Variants in PIP5K1C observed in about 807,000 individuals in gnomAD.
PIP5K1C encodes the protein phosphatidylinositol-4-phosphate 5-kinase type 1 gamma, also known as phosphatidylinositol 4-phosphate 5-kinase type-1 gamma.
Under a neutral mutation model 80.1 loss-of-function variants are expected in PIP5K1C, and 45 were observed. That is an observed-to-expected ratio of 0.56 (90% CI 0.44 to 0.72). PIP5K1C has a LOEUF of 0.72. Among genes scored for constraint, PIP5K1C ranks in the 30% least tolerant of loss-of-function variants. The probability of loss-of-function intolerance (pLI) is 0.00; values close to 1 mark genes in which losing one functional copy is unlikely to be tolerated. For synonymous variants in PIP5K1C, 498 were observed against 420.1 expected (o/e 1.19, Z -2.27); for missense variants, 753 against 954.6 (o/e 0.79, Z 2.78).
intron 1 of PIP5K1C, among the ~76,000 whole-genome samples, chr19:3,671,734 C>T (rs1318039775): frequency 6.6e-6 from 1 of 152,178 alleles, no homozygotes; most frequent in Non-Finnish European, 1.5e-5. Context: ...GCCTTGCTGC[C>T]ACCGCCTGCC....
intron 15 of PIP5K1C, 145 bp from the exon 16 acceptor site, chr19:3,639,161 T>G: frequency 3.2e-6 from 3 of 930,636 alleles, no homozygotes; most frequent in Non-Finnish European, 5.0e-6. Context: ...CGCGCGCTCC[T>G]GCGCTGCCAT....
In PIP5K1C at chr19:3,662,857, C is replaced by T. The variant is rs990683788; in HGVS notation, c.220-856G>A. 3.3e-5 allele frequency among the ~76,000 whole-genome samples: 5 copies of T among 150,392 alleles called. No individual in the cohort carries two copies. In the East Asian group the frequency reaches 7.9e-4, roughly 24 times the overall value. Reference sequence around the variant, plus strand: ...CTGCGATTGCACGTGTGAGCCAGCACGCCGGCCCCGTTATTATTTTTTGAG... The same window carrying T: ...CTGCGATTGCACGTGTGAGCCAGCATGCCGGCCCCGTTATTATTTTTTGAG... On this transcript the variant is annotated intron_variant, in intron 3 of 17. Coordinates refer to ENST00000335312, the MANE Select transcript of PIP5K1C (RefSeq NM_012398.3).
chr19:3,642,851 G>C, intron 14 of PIP5K1C, 56 bp downstream of exon 14: 1 of 1,441,282 alleles, frequency 6.9e-7, no homozygotes, highest in Non-Finnish European at 9.8e-7. Flanking sequence ...AACGGAGCTG[G>C]GAGCTGTGCA....
intron 1 of PIP5K1C, among the ~76,000 whole-genome samples, chr19:3,685,386 A>C (rs2035725768): frequency 1.3e-5 from 2 of 152,190 alleles, no homozygotes; most frequent in African/African-American, 4.8e-5. Flanking sequence ...AGACTGTCTA[A>C]AGCAGGGGCT....
intron 15 of PIP5K1C, among the ~76,000 whole-genome samples, chr19:3,639,289 C>G (rs2033857025): frequency 6.6e-6 from 1 of 152,242 alleles, no homozygotes; most frequent in Admixed American, 6.5e-5. Context: ...CTCAGACACA[C>G]ACACCTGTGG....
chr19:3,661,927 G>A lies in PIP5K1C; in HGVS notation c.294C>T (p.Pro98=), dbSNP rs374991223. The change falls in exon 4 of 18, where the codon CCC becomes CCT. Residue 98 remains proline (P), a synonymous_variant. Coordinates refer to ENST00000335312, the MANE Select transcript of PIP5K1C (RefSeq NM_012398.3). ...AGTCCTGCATGAGCACGTCGCGTTCGGGCTTGGAGCTCAGGTGGCCCACGG... is the reference window on the plus strand; with the variant it reads ...AGTCCTGCATGAGCACGTCGCGTTCAGGCTTGGAGCTCAGGTGGCCCACGG... ...GYTVGHLSSK[P]ERDVLMQDFY... 5.6e-5 allele frequency: 90 copies of A among 1,612,500 alleles called. No individual in the cohort carries two copies. The highest frequency in any genetic ancestry group is 3.3e-4 in the Middle Eastern group (2 of 6,084).
intron 1 of PIP5K1C, among the ~76,000 whole-genome samples, chr19:3,668,084 G>A (rs979143615): frequency 6.6e-6 from 1 of 151,966 alleles, no homozygotes; most frequent in Non-Finnish European, 1.5e-5. Flanking sequence ...GGTCAGCGCA[G>A]CAGGGCCTGG....
chr19:3,655,511 A>C (rs1248419205), intron 6 of PIP5K1C, among the ~76,000 whole-genome samples: 12 of 152,262 alleles, frequency 7.9e-5, no homozygotes, highest in Admixed American at 7.8e-4. Flanking sequence ...CTTGGTCCAT[A>C]AATAATGCGT....
intron 1 of PIP5K1C, among the ~76,000 whole-genome samples, chr19:3,678,211 AGATGGAGGGACGGAGG>A (rs2035450644): frequency 1.9e-5 from 1 of 53,076 alleles, no homozygotes; most frequent in African/African-American, 7.6e-5. Flanking sequence ...AGGGATGGAG[AGATGGAGGGACGGAGG>A]GATGGAGGAT....
intron 1 of PIP5K1C, among the ~76,000 whole-genome samples, chr19:3,691,256 CG>C (rs980144260): frequency 8.5e-5 from 13 of 152,292 alleles, no homozygotes; most frequent in African/African-American, 2.9e-4. Context: ...CCTCCGCTGC[CG>C]GAACACGGAG....
At chr19:3,682,237 G>C (rs1310086112) in intron 1 of PIP5K1C, among the ~76,000 whole-genome samples, 1 of 152,026 alleles carries the variant, frequency 6.6e-6, no homozygotes, top group Non-Finnish European at 1.5e-5. Context: ...AGCCAGGCAT[G>C]GGGGTGCGCG....
intron 1 of PIP5K1C, among the ~76,000 whole-genome samples, chr19:3,698,928 C>T (rs1037276520): frequency 1.5e-5 from 2 of 137,294 alleles, no homozygotes; most frequent in African/African-American, 2.7e-5. Flanking sequence ...CAGCCCTCCC[C>T]GGCCCCCCAC....
chr19:3,697,730 G>A lies in PIP5K1C; in HGVS notation c.94+2567C>T, dbSNP rs139906270. ...GGCAGGGGCAGGGATGGAGCTGACC[G>A]TTCTGGGGCATCACAGAGACAGGAC... On this transcript the variant is annotated intron_variant, in intron 1 of 17. Transcript: ENST00000335312. 3.5e-3 allele frequency among the ~76,000 whole-genome samples: 535 copies of A among 152,228 alleles called. 4 individuals carry two copies. The highest frequency in any genetic ancestry group is 0.012 in the African/African-American group (513 of 41,536).
chr19:3,638,782 T>C, intron 16 of PIP5K1C, 102 bp downstream of exon 16: 1 of 1,474,266 alleles, frequency 6.8e-7, no homozygotes, highest in Non-Finnish European at 9.4e-7. Flanking sequence ...CACACTCACG[T>C]GCCTGTGTGC....
intron 1 of PIP5K1C, among the ~76,000 whole-genome samples, chr19:3,697,349 G>A (rs1263191415): frequency 1.3e-5 from 2 of 151,328 alleles, no homozygotes; most frequent in Non-Finnish European, 2.9e-5. Context: ...GACCGGGGAG[G>A]ACCGAGCCAG....
At position 3,632,885 on chromosome 19, in the gene PIP5K1C, C is replaced by T. The variant is rs1279283653; in HGVS notation, c.*282G>A. 3 of 487,852 alleles carry T rather than the reference C, an allele frequency of 6.1e-6. No homozygotes were observed. In the East Asian group the frequency reaches 1.0e-4, roughly 17 times the overall value. The allele number at this position is 487,852 out of a possible 1,614,324, so 30.2% of individuals were successfully genotyped here. A position where few individuals can be genotyped will look rare whatever the true frequency, so the allele number is the denominator to read the frequency against. Reference sequence around the variant, plus strand: ...TTTTTGTTCTTTTCCTAAAACGGCACACACGTGCTTCCGTCTCTGTGCCAA... The same window carrying T: ...TTTTTGTTCTTTTCCTAAAACGGCATACACGTGCTTCCGTCTCTGTGCCAA... On this transcript the variant is annotated 3_prime_UTR_variant, in exon 18 of 18. Coordinates refer to ENST00000335312, the MANE Select transcript of PIP5K1C (RefSeq NM_012398.3).
rs536105415 is a variant in PIP5K1C, at chr19:3,658,158, T to G, written c.469-1601A>C. On this transcript the variant is annotated intron_variant, in intron 5 of 17. Transcript: ENST00000335312. ...CACCCCCGCCCTGCACTGCCCGAGG[T>G]GCTCTCGGGCCAGGGAACGGCGCCA... Among the ~76,000 whole-genome samples the G allele has an allele frequency of 6.6e-5, 10 of 152,280 alleles. 1 individual carries two copies. The South Asian group carries it at 2.1e-3, about 32-fold the overall frequency.
intron 15 of PIP5K1C, among the ~76,000 whole-genome samples, chr19:3,641,104 A>G (rs1038105936): frequency 6.6e-6 from 1 of 151,770 alleles, no homozygotes; most frequent in African/African-American, 2.4e-5. Flanking sequence ...AGTCCCAGCT[A>G]CTCAGGAGGC....
chr19:3,635,682 CA>C (rs548795490), intron 16 of PIP5K1C, among the ~76,000 whole-genome samples: 2 of 145,214 alleles, frequency 1.4e-5, no homozygotes, highest in Admixed American at 1.4e-4. Flanking sequence ...GACTCCATCT[CA>C]AAAAAAACAA....
Sources: gnomAD v4.1 joint callset for allele counts (sites outside exome capture counted in the v4.1 genomes callset) on GRCh38, gnomAD v4.1.1 for gene constraint, MANE v1.5 for transcripts, NCBI Gene and HGNC (gene_info 2026-07-23, HGNC 2026-07-21) for gene names.